STARD13: variants seen among roughly 807,000 people sequenced by gnomAD.
STARD13 encodes the protein stAR-related lipid transfer protein 13.
Under a neutral mutation model 106.4 loss-of-function variants are expected in STARD13, and 62 were observed. The ratio of observed to expected loss-of-function variants is 0.58; its 90% CI spans 0.48 to 0.72. The LOEUF is 0.72. STARD13 is among the 30% of genes least tolerant of loss of function. The pLI, the probability that STARD13 is intolerant of heterozygous loss-of-function variation, is 0.00. For missense variants in STARD13, 1,387 were observed against 1,424.0 expected, an observed-to-expected ratio of 0.97 and a Z score of 0.42; for synonymous variants, 565 against 553.0, an observed-to-expected ratio of 1.02 and a Z score of -0.31.
At chr13:33,659,015 T>G in the STARD13 span, among the ~76,000 whole-genome samples, 1 of 152,090 alleles carries the variant, frequency 6.6e-6, no homozygotes, top group Non-Finnish European at 1.5e-5. Context: ...AGGAAGCACA[T>G]GGAAGCTCTT....
At chr13:33,297,897 C>T (rs1055974911) in intron 1 of STARD13, among the ~76,000 whole-genome samples, 4 of 152,140 alleles carry the variant, frequency 2.6e-5, no homozygotes, top group South Asian at 2.1e-4. Context: ...ATGGCTTGAA[C>T]TTCCCAGTGT....
At chr13:33,242,423 T>G (rs1889573323) in intron 1 of STARD13, among the ~76,000 whole-genome samples, 1 of 152,236 alleles carries the variant, frequency 6.6e-6, no homozygotes, top group Non-Finnish European at 1.5e-5. Context: ...TCTTCTGCCT[T>G]GGGATGCTGT....
chr13:33,519,213 TTTCTTTC>T, the STARD13 span, among the ~76,000 whole-genome samples: 1 of 58,002 alleles, frequency 1.7e-5, no homozygotes, highest in Admixed American at 1.8e-4. Flanking sequence ...TAATTTTTTC[TTTCTTTC>T]TTTCTTTCTT....
At chr13:33,113,338 A>G (rs946724194) in intron 8 of STARD13, 2 of 368,872 alleles carry the variant, frequency 5.4e-6, no homozygotes, top group Non-Finnish European at 1.1e-5. Flanking sequence ...TTGGGAAGCC[A>G]CTCTCAGGAT....
the STARD13 span, among the ~76,000 whole-genome samples, chr13:33,548,370 A>G: frequency 6.6e-6 from 1 of 152,198 alleles, no homozygotes; most frequent in Non-Finnish European, 1.5e-5. Context: ...ACCCAAATGT[A>G]CAAGGGCCAT....
upstream of STARD13, among the ~76,000 whole-genome samples, chr13:33,353,154 A>G (rs535071505): frequency 7.2e-5 from 11 of 152,110 alleles, no homozygotes; most frequent in Middle Eastern, 3.4e-3. Context: ...TCAACCCTCC[A>G]GTCTCACCCT....
the STARD13 span, among the ~76,000 whole-genome samples, chr13:33,473,432 G>T: frequency 6.6e-6 from 1 of 152,220 alleles, no homozygotes; most frequent in Non-Finnish European, 1.5e-5. Context: ...TTTGGTATAT[G>T]TCTGGTTGCA....
At chr13:33,559,489 G>A in the STARD13 span, among the ~76,000 whole-genome samples, 1 of 151,550 alleles carries the variant, frequency 6.6e-6, no homozygotes, top group Non-Finnish European at 1.5e-5. Context: ...AGGACTTGGG[G>A]TCTTTGGGAG....
intron 3 of STARD13, among the ~76,000 whole-genome samples, chr13:33,161,404 TC>T: frequency 6.6e-6 from 1 of 152,196 alleles, no homozygotes; most frequent in Non-Finnish European, 1.5e-5. Flanking sequence ...AACCTCTGCC[TC>T]TTGGGCTCAA....
chr13:33,516,656 T>C, the STARD13 span, among the ~76,000 whole-genome samples: 1 of 151,844 alleles, frequency 6.6e-6, no homozygotes, highest in Non-Finnish European at 1.5e-5. Flanking sequence ...GGTTACCACC[T>C]AGAGCTTCTC....
At chr13:33,445,216 T>C in the STARD13 span, among the ~76,000 whole-genome samples, 1 of 152,242 alleles carries the variant, frequency 6.6e-6, no homozygotes, top group Non-Finnish European at 1.5e-5. Context: ...AATGCCCTCA[T>C]GTTAACCTTT....
At chr13:33,607,791 C>T in the STARD13 span, among the ~76,000 whole-genome samples, 1 of 152,006 alleles carries the variant, frequency 6.6e-6, no homozygotes, top group African/African-American at 2.4e-5. Flanking sequence ...ATATTATTTG[C>T]ATTACAATAA....
chr13:33,309,165 A>G (rs562185096), intron 1 of STARD13, among the ~76,000 whole-genome samples: 2 of 152,328 alleles, frequency 1.3e-5, no homozygotes, highest in African/African-American at 4.8e-5. Flanking sequence ...TTTTCTTAAT[A>G]TAAAAGCTCT....
intron 1 of STARD13, among the ~76,000 whole-genome samples, chr13:33,283,427 G>A (rs919203196): frequency 1.9e-4 from 29 of 151,816 alleles, no homozygotes; most frequent in South Asian, 8.4e-4. Flanking sequence ...TGTAAAATGG[G>A]CATAATAAAA....
chr13:33,224,778 A>G (rs975206558), intron 1 of STARD13, among the ~76,000 whole-genome samples: 4 of 152,234 alleles, frequency 2.6e-5, no homozygotes, highest in Non-Finnish European at 4.4e-5. Context: ...CTGTTCCTTC[A>G]GAAAACAACA....
chr13:33,169,212 TGCTGTTCAAAACACA>T (rs1883670845), intron 1 of STARD13, among the ~76,000 whole-genome samples: 1 of 152,232 alleles, frequency 6.6e-6, no homozygotes, highest in African/African-American at 2.4e-5. Flanking sequence ...GTTCCACAAC[TGCTGTTCAAAACACA>T]GCTTAGCTGA....
At chr13:33,287,303 A>G (rs1892103845), upstream of STARD13, among the ~76,000 whole-genome samples, 1 of 152,206 alleles carries the variant, frequency 6.6e-6, no homozygotes, top group Non-Finnish European at 1.5e-5. Context: ...CTCGTCTTGT[A>G]TAACTGTCCC....
the STARD13 span, among the ~76,000 whole-genome samples, chr13:33,640,910 C>A: frequency 6.6e-6 from 1 of 152,186 alleles, no homozygotes; most frequent in South Asian, 2.1e-4. Flanking sequence ...TGATATGAGG[C>A]ACATGAATAG....
At chr13:33,253,742 A>G (rs1890201372) in intron 1 of STARD13, among the ~76,000 whole-genome samples, 1 of 152,038 alleles carries the variant, frequency 6.6e-6, no homozygotes, top group Admixed American at 6.5e-5. Flanking sequence ...GATTTATGTC[A>G]AGGGTAGCTC....
Sources: allele counts gnomAD v4.1 joint callset (sites outside exome capture counted in the v4.1 genomes callset), GRCh38; gene constraint gnomAD v4.1.1; transcripts MANE v1.5; gene names NCBI Gene and HGNC (gene_info 2026-07-23, HGNC 2026-07-21).